USP34: variants seen among roughly 807,000 people sequenced by gnomAD.
USP34 encodes ubiquitin carboxyl-terminal hydrolase 34.
A neutral mutation model predicts 460.3 loss-of-function variants in USP34; 70 were observed. The ratio of observed to expected loss-of-function variants is 0.15; its 90% CI spans 0.13 to 0.19. The LOEUF (loss-of-function observed/expected upper bound fraction) is 0.19, where lower values mean the gene tolerates loss of function less well. USP34 is among the 10% of genes least tolerant of loss of function. The pLI is 1.00. For missense variants in USP34, 3,985 were observed against 4,236.2 expected (o/e 0.94, Z 1.65); for synonymous variants, 1,647 against 1,405.3 (o/e 1.17, Z -3.85).
At chr2:61,349,434 T>G in intron 12 of USP34, 149 bp from the exon 13 acceptor site, 2 of 716,000 alleles carry the variant, frequency 2.8e-6, no homozygotes, top group Non-Finnish European at 4.5e-6. Context: ...ACAGTAGTTG[T>G]TGGGGGTGCC....
chr2:61,398,335 C>T (rs563310341), intron 3 of USP34, among the ~76,000 whole-genome samples: 3 of 150,260 alleles, frequency 2.0e-5, no homozygotes, highest in Admixed American at 1.3e-4. Flanking sequence ...CCACTGCACT[C>T]GATCATGAGT....
chr2:61,467,950 G>A (rs1445386665), intron 1 of USP34, among the ~76,000 whole-genome samples: 2 of 152,030 alleles, frequency 1.3e-5, no homozygotes, highest in African/African-American at 2.4e-5. Context: ...CTAAATCAAC[G>A]TTGAACTGAT....
At chr2:61,273,929 T>C (rs1319804924) in intron 41 of USP34, among the ~76,000 whole-genome samples, 1 of 152,078 alleles carries the variant, frequency 6.6e-6, no homozygotes, top group Non-Finnish European at 1.5e-5. Context: ...AAAAAAGTTA[T>C]CCATTTCATT....
intron 72 of USP34, 97 bp downstream of exon 72, chr2:61,205,920 G>GT: frequency 1.1e-6 from 1 of 900,818 alleles, no homozygotes; most frequent in Middle Eastern, 2.3e-4. Context: ...AAAAGCACAA[G>GT]TATCTTTCAA....
intron 1 of USP34, among the ~76,000 whole-genome samples, chr2:61,448,947 G>A (rs1403784688): frequency 6.6e-6 from 1 of 152,190 alleles, no homozygotes; most frequent in Admixed American, 6.5e-5. Context: ...CTGAGGTTGG[G>A]AGTTCGAGAC....
chr2:61,207,101 T>C, intron 70 of USP34: 1 of 450,226 alleles, frequency 2.2e-6, no homozygotes. Flanking sequence ...ATTTTGTGTG[T>C]ATATTCTAGT....
At chr2:61,328,237 G>C (rs1691155863) in intron 20 of USP34, among the ~76,000 whole-genome samples, 1 of 151,336 alleles carries the variant, frequency 6.6e-6, no homozygotes, top group African/African-American at 2.4e-5. Flanking sequence ...AGGAGGTGGA[G>C]GTTACAGTGA....
At chr2:61,272,347 C>T (rs1156983839) in intron 41 of USP34, among the ~76,000 whole-genome samples, 26 of 148,160 alleles carry the variant, frequency 1.8e-4, no homozygotes. Context: ...GGAGGCAGAG[C>T]TTGCAGTGAG....
At chr2:61,424,907 G>A (rs1465274208) in intron 1 of USP34, among the ~76,000 whole-genome samples, 1 of 152,114 alleles carries the variant, frequency 6.6e-6, no homozygotes, top group East Asian at 1.9e-4. Context: ...TCGGCTCACT[G>A]CAACCTCCGC....
chr2:61,321,251 T>C (rs950341263), intron 21 of USP34, among the ~76,000 whole-genome samples: 1 of 151,872 alleles, frequency 6.6e-6, no homozygotes, highest in Non-Finnish European at 1.5e-5. Context: ...GGCAGGCAGA[T>C]CATGAGGTCA....
intron 3 of USP34, among the ~76,000 whole-genome samples, chr2:61,405,495 C>T (rs1034367643): frequency 2.0e-5 from 3 of 152,028 alleles, no homozygotes; most frequent in African/African-American, 7.2e-5. Context: ...TTTCTGAGTT[C>T]AATGTATAGA....
chr2:61,415,719 G>T (rs1169277710), intron 2 of USP34, among the ~76,000 whole-genome samples: 1 of 152,242 alleles, frequency 6.6e-6, no homozygotes. Context: ...TTTAAACTCT[G>T]TATTACTTAT....
chr2:61,451,785 GA>G (rs1419765662), intron 1 of USP34, among the ~76,000 whole-genome samples: 1 of 151,920 alleles, frequency 6.6e-6, no homozygotes, highest in African/African-American at 2.4e-5. Flanking sequence ...TCATTGTTCA[GA>G]AAAATTAATG....
chr2:61,359,253 T>C (rs1692202940), intron 10 of USP34, among the ~76,000 whole-genome samples: 2 of 152,298 alleles, frequency 1.3e-5, no homozygotes, highest in Middle Eastern at 3.4e-3. Context: ...TGTAGGCCAG[T>C]GGAGAAGAAT....
chr2:61,395,135 T>TA (rs746454368), intron 4 of USP34, 48 bp downstream of exon 4: 107 of 1,472,226 alleles, frequency 7.3e-5, no homozygotes, highest in African/African-American at 5.4e-4. Flanking sequence ...GAGGCTTTGT[T>TA]AAAAAAATAA....
At chr2:61,309,525 T>C (rs749165874) in intron 27 of USP34, among the ~76,000 whole-genome samples, 5 of 152,192 alleles carry the variant, frequency 3.3e-5, no homozygotes, top group Non-Finnish European at 7.3e-5. Flanking sequence ...GCTGCCACTG[T>C]ACTATCTTCT....
chr2:61,266,764 G>A (rs1001820852), intron 41 of USP34, among the ~76,000 whole-genome samples: 4 of 152,118 alleles, frequency 2.6e-5, no homozygotes, highest in African/African-American at 9.7e-5. Context: ...CTGGAGTACT[G>A]TGCAGAAAAG....
intron 27 of USP34, among the ~76,000 whole-genome samples, chr2:61,302,478 A>G (rs967174617): frequency 6.6e-6 from 1 of 152,216 alleles, no homozygotes; most frequent in African/African-American, 2.4e-5. Flanking sequence ...AGCTAAATCT[A>G]TGATTCTTTC....
chr2:61,424,047 T>C (rs1369908049), intron 1 of USP34, among the ~76,000 whole-genome samples: 2 of 152,180 alleles, frequency 1.3e-5, no homozygotes. Flanking sequence ...ATATAAAATG[T>C]TACAGCTGCT....
Sources: gnomAD v4.1 joint callset for allele counts (sites outside exome capture counted in the v4.1 genomes callset) on GRCh38, gnomAD v4.1.1 for gene constraint, MANE v1.5 for transcripts, NCBI Gene and HGNC (gene_info 2026-07-23, HGNC 2026-07-21) for gene names.